Variants in PCLO observed in about 807,000 individuals in gnomAD.
PCLO encodes the protein piccolo presynaptic cytomatrix protein.
Under a neutral mutation model 427.5 loss-of-function variants are expected in PCLO, and 82 were observed. The observed-to-expected ratio is 0.19, with a 90% CI of 0.16 to 0.23. The LOEUF (loss-of-function observed/expected upper bound fraction) is 0.23, where lower values mean the gene tolerates loss of function less well. Ranked by LOEUF, PCLO falls within the 10% of genes least tolerant of loss-of-function variation. The pLI is 1.00. For synonymous variants in PCLO, 2,357 were observed against 2,155.4 expected, an observed-to-expected ratio of 1.09 and a Z score of -2.59; for missense variants, 6,239 against 6,115.9, an observed-to-expected ratio of 1.02 and a Z score of -0.67.
chr7:83,162,865 A>T lies in PCLO; in HGVS notation c.-273T>A, dbSNP rs1792486189. On this transcript the variant is annotated 5_prime_UTR_variant, in exon 1 of 25. Transcript: ENST00000333891. Reference sequence around the variant, plus strand: ...TCCCGGACGCCGCCTCGGCGCCCCGAGCCGGGGAGAAGCAGATCTGAGCGG... The same window carrying T: ...TCCCGGACGCCGCCTCGGCGCCCCGTGCCGGGGAGAAGCAGATCTGAGCGG... 4.0e-6 allele frequency: 2 copies of T among 495,590 alleles called. No homozygotes were observed. The highest frequency in any genetic ancestry group is 7.1e-6 in the Non-Finnish European group (2 of 282,644). The allele number at this position is 495,590 out of a possible 1,614,324, so 30.7% of individuals were successfully genotyped here.
Position 83,101,491 on chromosome 7 carries a change from T to C in PCLO, c.3300+32759A>G, listed in dbSNP as rs1790737437. Among the ~76,000 whole-genome samples the C allele has an allele frequency of 3.3e-5, 5 of 151,958 alleles. No individual in the cohort carries two copies. The South Asian group carries it at 1.0e-3, about 31-fold the overall frequency. ...AAAGAATTTCAAATGCCAGAAAGAATAAAAACGGATAGAAAAATATGATCA... is the reference window on the plus strand; with the variant it reads ...AAAGAATTTCAAATGCCAGAAAGAACAAAAACGGATAGAAAAATATGATCA... On this transcript the variant is annotated intron_variant, in intron 3 of 24. Coordinates refer to ENST00000333891, the MANE Select transcript of PCLO (RefSeq NM_033026.6).
intron 12 of PCLO, 33 bp downstream of exon 12, chr7:82,846,534 A>T: frequency 7.2e-7 from 1 of 1,389,396 alleles, no homozygotes; most frequent in Non-Finnish European, 1.0e-6. Context: ...CTATCTCTTT[A>T]TTTACAGTTG....
At chr7:83,035,921 C>G (rs945506292) in intron 3 of PCLO, among the ~76,000 whole-genome samples, 6 of 152,112 alleles carry the variant, frequency 3.9e-5, no homozygotes, top group Non-Finnish European at 8.8e-5. Flanking sequence ...AATTGAGGCA[C>G]AAGCACTCTA....
In PCLO at chr7:82,951,838, C is replaced by T. The variant is rs1305395566; in HGVS notation, c.9097+18G>A. ...TAATGATATTTCAAGGAAAGGTCTG[C>T]TGCCACATCATACTGACCTGTAGTA... On this transcript the variant is annotated intron_variant, in intron 5 of 24. Coordinates refer to ENST00000333891, the MANE Select transcript of PCLO (RefSeq NM_033026.6). 1 of 1,597,558 alleles carries T rather than the reference C, an allele frequency of 6.3e-7. No homozygotes were observed. Among genetic ancestry groups the T allele is most frequent in the Non-Finnish European group, 8.5e-7 (1 of 1,172,578 alleles).
At chr7:82,927,531 G>A (rs548169733) in intron 6 of PCLO, among the ~76,000 whole-genome samples, 3 of 152,132 alleles carry the variant, frequency 2.0e-5, no homozygotes, top group East Asian at 1.9e-4. Context: ...TCAGCATATC[G>A]ATCCTTTTTC....
intron 3 of PCLO, among the ~76,000 whole-genome samples, chr7:83,014,129 T>A (rs1003055716): frequency 1.3e-5 from 2 of 152,152 alleles, no homozygotes; most frequent in Non-Finnish European, 2.9e-5. Context: ...AGATACTGTA[T>A]GTATCTTCCC....
At chr7:82,886,373 C>A (rs1186106885) in intron 9 of PCLO, among the ~76,000 whole-genome samples, 2 of 151,996 alleles carry the variant, frequency 1.3e-5, no homozygotes, top group African/African-American at 4.8e-5. Context: ...GCATATATAT[C>A]TGTTAAATGA....
chr7:82,797,769 C>G (rs1200698270), intron 22 of PCLO, among the ~76,000 whole-genome samples: 1 of 152,064 alleles, frequency 6.6e-6, no homozygotes, highest in African/African-American at 2.4e-5. Context: ...TAGGTTGAAT[C>G]CCAGAACCCT....
chr7:82,949,211 A>G (rs965283799), intron 6 of PCLO, among the ~76,000 whole-genome samples: 1 of 151,968 alleles, frequency 6.6e-6, no homozygotes, highest in Non-Finnish European at 1.5e-5. Flanking sequence ...GCTTCACATA[A>G]TGTGTTTTCT....
intron 3 of PCLO, among the ~76,000 whole-genome samples, chr7:83,028,451 T>G (rs1788564423): frequency 7.3e-6 from 1 of 136,616 alleles, no homozygotes; most frequent in African/African-American, 2.7e-5. Context: ...CTCAAGGAAA[T>G]AAAAGAGGAT....
intron 10 of PCLO, among the ~76,000 whole-genome samples, chr7:82,856,747 T>C (rs916203552): frequency 1.3e-5 from 2 of 152,170 alleles, no homozygotes; most frequent in Admixed American, 1.3e-4. Flanking sequence ...TTACTAACTT[T>C]CTAATAAAAT....
chr7:82,967,079 T>G (rs567643747), intron 3 of PCLO, among the ~76,000 whole-genome samples: 1 of 152,206 alleles, frequency 6.6e-6, no homozygotes, highest in South Asian at 2.1e-4. Flanking sequence ...ATCTCATTCT[T>G]AATACTAATC....
chr7:83,113,769 A>C (rs1462797599), intron 3 of PCLO, among the ~76,000 whole-genome samples: 1 of 152,146 alleles, frequency 6.6e-6, no homozygotes, highest in Non-Finnish European at 1.5e-5. Flanking sequence ...AATTATGTTA[A>C]AAGATATTAA....
chr7:82,871,480 G>A (rs903727662), intron 10 of PCLO, among the ~76,000 whole-genome samples: 2 of 151,716 alleles, frequency 1.3e-5, no homozygotes, highest in African/African-American at 4.8e-5. Context: ...GAATGATGAG[G>A]GATTGTTTAA....
chr7:82,832,131 T>C (rs776785983), intron 16 of PCLO, among the ~76,000 whole-genome samples: 1 of 152,136 alleles, frequency 6.6e-6, no homozygotes, highest in African/African-American at 2.4e-5. Flanking sequence ...GACAATTATA[T>C]CTAATAATTA....
chr7:83,085,569 C>T (rs981471316), intron 3 of PCLO, among the ~76,000 whole-genome samples: 4 of 152,090 alleles, frequency 2.6e-5, no homozygotes, highest in African/African-American at 7.2e-5. Context: ...GTTCGTATTT[C>T]GGAGTGCCAA....
At chr7:82,928,211 T>C (rs1794758325) in intron 6 of PCLO, among the ~76,000 whole-genome samples, 1 of 152,178 alleles carries the variant, frequency 6.6e-6, no homozygotes, top group African/African-American at 2.4e-5. Flanking sequence ...GTGATTAGCA[T>C]AGACTAGGCA....
At chr7:83,117,182 A>AT (rs1446406950) in intron 3 of PCLO, among the ~76,000 whole-genome samples, 1 of 152,078 alleles carries the variant, frequency 6.6e-6, no homozygotes, top group Non-Finnish European at 1.5e-5. Context: ...CATATCATTC[A>AT]TTTTCCTGAG....
chr7:82,815,197 G>T (rs1189466487), intron 20 of PCLO, among the ~76,000 whole-genome samples: 2 of 151,624 alleles, frequency 1.3e-5, no homozygotes, highest in African/African-American at 2.4e-5. Flanking sequence ...GGTTAAAAAC[G>T]AACAAAACAA....
Sources: gnomAD v4.1 joint callset for allele counts (sites outside exome capture counted in the v4.1 genomes callset) on GRCh38, gnomAD v4.1.1 for gene constraint, MANE v1.5 for transcripts, NCBI Gene and HGNC (gene_info 2026-07-23, HGNC 2026-07-21) for gene names.